SEC24A: variants seen among roughly 807,000 people sequenced by gnomAD.
SEC24A encodes SEC24 homolog A, COPII component.
In SEC24A, 93 loss-of-function variants were observed where a neutral mutation model predicts 129.4. That is an observed-to-expected ratio of 0.72 (90% CI 0.61 to 0.85). The LOEUF is 0.85. Ranked by LOEUF, SEC24A falls within the 40% of genes least tolerant of loss-of-function variation. The pLI is 0.00. For missense variants in SEC24A, 1,264 were observed against 1,307.4 expected, an observed-to-expected ratio of 0.97 and a Z score of 0.51; for synonymous variants, 460 against 467.3, an observed-to-expected ratio of 0.98 and a Z score of 0.20.
intron 20 of SEC24A, 108 bp downstream of exon 20, chr5:134,718,281 T>C: frequency 1.3e-6 from 1 of 778,106 alleles, no homozygotes; most frequent in Non-Finnish European, 2.2e-6. Flanking sequence ...AGATTTCATA[T>C]TTTAACCTAT....
At chr5:134,695,070 T>G (rs1306796000) in intron 13 of SEC24A, among the ~76,000 whole-genome samples, 1 of 152,026 alleles carries the variant, frequency 6.6e-6, no homozygotes, top group Admixed American at 6.6e-5. Flanking sequence ...TTTCTTTATA[T>G]ATAAGGTGAA....
chr5:134,700,713 T>A (rs569989876), intron 15 of SEC24A, among the ~76,000 whole-genome samples: 48 of 151,646 alleles, frequency 3.2e-4, no homozygotes, highest in East Asian at 1.2e-3. Flanking sequence ...TTATTTATTT[T>A]TTTTACTTTA....
intron 7 of SEC24A, 41 bp downstream of exon 7, chr5:134,676,166 G>C: frequency 7.0e-7 from 1 of 1,423,880 alleles, no homozygotes; most frequent in Non-Finnish European, 9.7e-7. Flanking sequence ...TTGAGACGGA[G>C]TCTCCCTCTG....
rs1311372890 is a variant in SEC24A, at chr5:134,652,431, A to G, written c.97+3258A>G. On this transcript the variant is annotated intron_variant, in intron 1 of 22. Transcript: ENST00000398844. ...CTCCTGAGCAACTGGGACTACAGGC[A>G]TGCGCCACTATGTCTAGCTAATTTT... Among the ~76,000 whole-genome samples the G allele has an allele frequency of 2.6e-5, 4 of 151,086 alleles. No individual in the cohort carries two copies. In the East Asian group the frequency reaches 5.9e-4, roughly 22 times the overall value.
At chr5:134,697,351 C>T (rs1751860528) in intron 14 of SEC24A, 105 bp downstream of exon 14, 1 of 924,354 alleles carries the variant, frequency 1.1e-6, no homozygotes, top group Admixed American at 2.2e-5. Context: ...TATGTATGCC[C>T]TTGGGAAAGT....
At chr5:134,667,669 C>CAAAAAAAAAAAAAAAAAAAAAAAAAAAAA (rs1191699758) in intron 3 of SEC24A, among the ~76,000 whole-genome samples, 2 of 115,036 alleles carry the variant, frequency 1.7e-5, no homozygotes, top group Non-Finnish European at 1.8e-5. Context: ...AAAAAAAAAA[C>CAAAAAAAAAAAAAAAAAAAAAAAAAAAAA]AAAAAAAAAA....
intron 2 of SEC24A, among the ~76,000 whole-genome samples, chr5:134,665,256 C>T (rs1052935385): frequency 2.0e-5 from 3 of 151,326 alleles, no homozygotes; most frequent in Non-Finnish European, 4.4e-5. Flanking sequence ...AGATCAGCCT[C>T]CAGCCTGGCC....
chr5:134,721,348 A>G (rs1248766061), intron 21 of SEC24A, among the ~76,000 whole-genome samples: 1 of 150,580 alleles, frequency 6.6e-6, no homozygotes, highest in Non-Finnish European at 1.5e-5. Context: ...GCTGATCACG[A>G]GGTCAAGAGA....
At chr5:134,712,819 C>T (rs1029351548) in intron 18 of SEC24A, among the ~76,000 whole-genome samples, 2 of 150,214 alleles carry the variant, frequency 1.3e-5, no homozygotes, top group African/African-American at 4.9e-5. Context: ...GGGGTTTCAC[C>T]GTGTTAACCA....
intron 2 of SEC24A, among the ~76,000 whole-genome samples, chr5:134,662,967 C>A (rs770555166): frequency 6.6e-6 from 1 of 151,684 alleles, no homozygotes; most frequent in East Asian, 1.9e-4. Flanking sequence ...CACTGCGCTC[C>A]GGCCTAGGTG....
chr5:134,671,118 C>T (rs1303539157), intron 3 of SEC24A, among the ~76,000 whole-genome samples: 1 of 152,042 alleles, frequency 6.6e-6, no homozygotes, highest in Non-Finnish European at 1.5e-5. Flanking sequence ...GATTTTGGCT[C>T]ACAGCAACCT....
chr5:134,661,491 C>T lies in SEC24A; in HGVS notation c.470C>T (p.Ser157Phe). 1 of 1,614,174 alleles carries T rather than the reference C, an allele frequency of 6.2e-7. No individual in the cohort carries two copies. The highest frequency in any genetic ancestry group is 8.5e-7 in the Non-Finnish European group (1 of 1,180,022). The change falls in exon 2 of 23, where the codon TCC becomes TTC. Residue 157 changes from serine to phenylalanine, a missense_variant. By Grantham distance (155) the Ser-to-Phe change is radical (BLOSUM62 -2). Transcript: ENST00000398844. ...ACAAACCATTGTCCTCGTGCATCAT[C>T]CCAACCAACTGTATCTGGAAATACA... is the stretch of plus-strand genomic sequence containing the variant. ...SQTNHCPRASSQPTVSGNTSL... is the reference protein window; with the variant it reads ...SQTNHCPRASFQPTVSGNTSL...
intron 12 of SEC24A, chr5:134,693,514 C>T: frequency 7.0e-7 from 1 of 1,420,644 alleles, no homozygotes; most frequent in East Asian, 2.6e-5. Context: ...TGTGCAAGAA[C>T]TGTAAGGCCC....
At chr5:134,672,744 G>T (rs1750911011) in intron 4 of SEC24A, among the ~76,000 whole-genome samples, 1 of 151,512 alleles carries the variant, frequency 6.6e-6, no homozygotes, top group Non-Finnish European at 1.5e-5. Flanking sequence ...GTACTTTTAG[G>T]ATTTTTTTTT....
At chr5:134,698,922 C>G (rs950429426) in intron 15 of SEC24A, among the ~76,000 whole-genome samples, 1 of 151,680 alleles carries the variant, frequency 6.6e-6, no homozygotes, top group African/African-American at 2.4e-5. Context: ...TGTGAGTGAC[C>G]GCACACAGCC....
intron 22 of SEC24A, 22 bp from the exon 23 acceptor site, chr5:134,724,958 T>G (rs750872761): frequency 3.2e-6 from 4 of 1,249,038 alleles, no homozygotes; most frequent in Non-Finnish European, 4.7e-6. Context: ...TTATCTAAAT[T>G]TTTTTGCCTT....
chr5:134,686,591 C>T (rs1459720953), intron 9 of SEC24A, among the ~76,000 whole-genome samples, 199 bp from the exon 10 acceptor site: 3 of 152,172 alleles, frequency 2.0e-5, no homozygotes, highest in Admixed American at 2.0e-4. Context: ...AAACACTCTT[C>T]TGAATTACGG....
Position 134,700,304 on chromosome 5 carries a change from T to C in SEC24A, c.2266+2247T>C, listed in dbSNP as rs374482388. Among the ~76,000 whole-genome samples, 75 of 151,978 alleles carry C rather than the reference T, an allele frequency of 4.9e-4. 2 individuals are homozygous for C. The South Asian group carries it at 0.015, about 31-fold the overall frequency. On this transcript the variant is annotated intron_variant, in intron 15 of 22. Coordinates refer to ENST00000398844, the MANE Select transcript of SEC24A (RefSeq NM_021982.3). ...GGCATGATCATAGCTCACTGCAGCC[T>C]CAACTCCTGGGCTCAAGCAATCCTC...
intron 11 of SEC24A, among the ~76,000 whole-genome samples, chr5:134,690,764 C>T (rs1751618405): frequency 6.6e-6 from 1 of 152,220 alleles, no homozygotes. Flanking sequence ...CTGAGAGGCT[C>T]ATCTGAAGTG....
Sources: allele counts gnomAD v4.1 joint callset (sites outside exome capture counted in the v4.1 genomes callset), GRCh38; gene constraint gnomAD v4.1.1; transcripts MANE v1.5; gene names NCBI Gene and HGNC (gene_info 2026-07-23, HGNC 2026-07-21).